PCDHA1: variants seen among roughly 807,000 people sequenced by gnomAD.
PCDHA1 encodes protocadherin alpha-1.
A neutral mutation model predicts 61.3 loss-of-function variants in PCDHA1; 42 were observed. The observed-to-expected ratio is 0.69, with a 90% CI of 0.54 to 0.89. The LOEUF (loss-of-function observed/expected upper bound fraction) is 0.89. Among genes scored for constraint, PCDHA1 ranks in the 40% least tolerant of loss-of-function variants. PCDHA1 has a pLI of 0.00. For synonymous variants in PCDHA1, 610 were observed against 553.8 expected, an observed-to-expected ratio of 1.10 and a Z score of -1.43; for missense variants, 1,256 against 1,235.3, an observed-to-expected ratio of 1.02 and a Z score of -0.25.
chr5:140,993,943 A>C (rs1055382423), intron 3 of PCDHA1, among the ~76,000 whole-genome samples: 1 of 152,220 alleles, frequency 6.6e-6, no homozygotes, highest in Admixed American at 6.5e-5. Flanking sequence ...CCCCATTGTT[A>C]AGTGATACAT....
intron 1 of PCDHA1, chr5:140,857,912 C>A: frequency 1.3e-6 from 2 of 1,597,766 alleles, no homozygotes; most frequent in African/African-American, 1.3e-5. Flanking sequence ...CATCCCGTTT[C>A]GCGTGGGGCT....
At chr5:140,823,929 C>A (rs2150130451) in intron 1 of PCDHA1, 1 of 1,613,958 alleles carries the variant, frequency 6.2e-7, no homozygotes, top group Non-Finnish European at 8.5e-7. Flanking sequence ...TGCTGTACAC[C>A]GCGCTGCGGT....
rs1554117938 is a variant in PCDHA1, at chr5:140,787,709, C to T, written c.1419C>T (p.His473=). Residue 473 remains histidine, a synonymous_variant, in exon 1 of 4, where the codon CAC becomes CAT. Coordinates refer to ENST00000504120, the MANE Select transcript of PCDHA1 (RefSeq NM_018900.4). ...FVKENNPPGC[H]IFTVSARDAD... Reference sequence around the variant, plus strand: ...AGGAGAACAACCCGCCGGGCTGCCACATCTTCACGGTGTCTGCGCGGGACG... The same window carrying T: ...AGGAGAACAACCCGCCGGGCTGCCATATCTTCACGGTGTCTGCGCGGGACG... 2 of 1,613,858 alleles carry T rather than the reference C, an allele frequency of 1.2e-6. No individual in the cohort carries two copies. The highest frequency in any genetic ancestry group is 2.2e-5 in the East Asian group (1 of 44,870).
chr5:141,009,649 C>G lies in PCDHA1; in HGVS notation c.2565C>G (p.Ser855=). The change falls in exon 4 of 4, where the codon TCC becomes TCG. Residue 855 remains serine, a synonymous_variant. Coordinates refer to ENST00000504120, the MANE Select transcript of PCDHA1 (RefSeq NM_018900.4). ...ATPEPEAGEV[S]PPVGAGVNSN... ...CAGAACCAGAGGCAGGAGAAGTGTC[C>G]CCTCCAGTCGGTGCGGGTGTCAACA... 1 of 1,613,646 alleles carries G rather than the reference C, an allele frequency of 6.2e-7. No homozygotes were observed. The highest frequency in any genetic ancestry group is 8.5e-7 in the Non-Finnish European group (1 of 1,179,816).
chr5:140,929,257 C>T, intron 1 of PCDHA1: 2 of 1,612,972 alleles, frequency 1.2e-6, no homozygotes, highest in Non-Finnish European at 1.7e-6. Context: ...TGGGGTAGGA[C>T]TGAATTTGCC....
intron 1 of PCDHA1, chr5:140,843,183 C>G (rs1778646285): frequency 1.9e-6 from 3 of 1,595,908 alleles, no homozygotes; most frequent in Non-Finnish European, 2.6e-6. Flanking sequence ...CCTCGCATCC[C>G]GTTCCGCGTG....
chr5:140,925,822 T>C (rs1554202964), intron 1 of PCDHA1, among the ~76,000 whole-genome samples: 1 of 152,156 alleles, frequency 6.6e-6, no homozygotes, highest in African/African-American at 2.4e-5. Flanking sequence ...ACGTCTTCTT[T>C]GGGGACGGGT....
chr5:140,922,605 A>G (rs1328283001), intron 1 of PCDHA1, among the ~76,000 whole-genome samples: 2 of 152,258 alleles, frequency 1.3e-5, no homozygotes, highest in African/African-American at 4.8e-5. Flanking sequence ...AGTTGAAGAT[A>G]TATTAAAACT....
chr5:140,903,180 T>C (rs149488870), intron 1 of PCDHA1, among the ~76,000 whole-genome samples: 1,613 of 152,324 alleles, frequency 0.011, 17 homozygotes, highest in African/African-American at 0.028. Context: ...TTCCCACCAA[T>C]AGTATAAAAG....
intron 1 of PCDHA1, chr5:140,966,931 C>T: frequency 6.2e-7 from 1 of 1,603,674 alleles, no homozygotes; most frequent in Non-Finnish European, 8.5e-7. Flanking sequence ...AGGCACCCGG[C>T]GCGCTCGTGG....
Position 140,787,230 on chromosome 5 carries a change from A to G in PCDHA1, c.940A>G (p.Lys314Glu). 1 of 1,614,170 alleles carries G rather than the reference A, an allele frequency of 6.2e-7. No homozygotes were observed. The highest frequency in any genetic ancestry group is 8.5e-7 in the Non-Finnish European group (1 of 1,180,008). ...LIDKLDYEET[K>E]SYEIQVKAVD... Reference sequence around the variant, plus strand: ...TGATAAACTGGATTATGAAGAAACAAAATCCTACGAAATTCAAGTAAAGGC... The same window carrying G: ...TGATAAACTGGATTATGAAGAAACAGAATCCTACGAAATTCAAGTAAAGGC... Residue 314 changes from lysine (K) to glutamate (E), a missense_variant, in exon 1 of 4, where the codon AAA becomes GAA. Coordinates refer to ENST00000504120, the MANE Select transcript of PCDHA1 (RefSeq NM_018900.4).
intron 1 of PCDHA1, among the ~76,000 whole-genome samples, chr5:140,793,465 A>T (rs1391257350): frequency 3.3e-5 from 5 of 152,198 alleles, no homozygotes; most frequent in African/African-American, 1.2e-4. Flanking sequence ...ACTGTACATG[A>T]GGGAAAAAAA....
chr5:140,903,275 T>G (rs1313552617), intron 1 of PCDHA1, among the ~76,000 whole-genome samples: 1 of 152,210 alleles, frequency 6.6e-6, no homozygotes, highest in East Asian at 1.9e-4. Context: ...TGAGGTAGTG[T>G]CTCATTGTGC....
chr5:140,843,159 C>T lies in PCDHA1; in HGVS notation c.2394+54475C>T. 5 of 1,596,084 alleles carry T rather than the reference C, an allele frequency of 3.1e-6. 1 individual carries two copies. The highest frequency in any genetic ancestry group is 4.3e-6 in the Non-Finnish European group (5 of 1,165,594). On this transcript the variant is annotated intron_variant, in intron 1 of 3. Coordinates refer to ENST00000504120, the MANE Select transcript of PCDHA1 (RefSeq NM_018900.4). ...GCGTGGCTTTCGTATGAGCTGCAGC[C>T]AGCTGCAAGCAGCCCTCGCATCCCG...
chr5:140,871,493 A>C lies in PCDHA1; in HGVS notation c.2394+82809A>C, dbSNP rs968230550. 1.9e-6 allele frequency: 3 copies of C among 1,588,916 alleles called. No individual in the cohort carries two copies. In the African/African-American group the frequency reaches 4.0e-5, roughly 21 times the overall value. On this transcript the variant is annotated intron_variant, in intron 1 of 3. Coordinates refer to ENST00000504120, the MANE Select transcript of PCDHA1 (RefSeq NM_018900.4). Reference sequence around the variant, plus strand: ...GAGCCAGGGTCAAATCACCCCGGACAGGTGAGTTTTCTACAGATTCCACCT... The same window carrying C: ...GAGCCAGGGTCAAATCACCCCGGACCGGTGAGTTTTCTACAGATTCCACCT...
At chr5:140,901,439 A>G (rs2068668793) in intron 1 of PCDHA1, among the ~76,000 whole-genome samples, 1 of 152,164 alleles carries the variant, frequency 6.6e-6, no homozygotes, top group South Asian at 2.1e-4. Flanking sequence ...ATGGATATCT[A>G]GTTTCCCAGC....
intron 1 of PCDHA1, chr5:140,927,497 T>A: frequency 6.2e-7 from 1 of 1,614,094 alleles, no homozygotes; most frequent in Non-Finnish European, 8.5e-7. Flanking sequence ...CACCTGCTGG[T>A]GCTTACAGCT....
At chr5:140,932,899 CAAT>C (rs1317207926) in intron 1 of PCDHA1, among the ~76,000 whole-genome samples, 2 of 151,832 alleles carry the variant, frequency 1.3e-5, no homozygotes, top group Non-Finnish European at 3.0e-5. Context: ...TAGAGGGAAA[CAAT>C]AATATTTCAA....
rs190126464 is a variant in PCDHA1 at position 140,851,666 on chromosome 5, T to C, written c.2394+62982T>C. On this transcript the variant is annotated intron_variant, in intron 1 of 3. Coordinates refer to ENST00000504120, the MANE Select transcript of PCDHA1 (RefSeq NM_018900.4). The stretch of plus-strand genomic sequence containing the variant: ...CTTCAAGAAGACATTCTCCTTTTAA[T>C]TGAAATTTTCTCCATTCAGTGATAA... 22 of 916,122 alleles carry C rather than the reference T, an allele frequency of 2.4e-5. 1 individual carries two copies. The East Asian group carries it at 1.7e-3, about 72-fold the overall frequency. 56.7% of individuals were successfully genotyped at this position (916,122 alleles called of 1,614,324 possible).
Sources: gnomAD v4.1 joint callset for allele counts (sites outside exome capture counted in the v4.1 genomes callset) on GRCh38, gnomAD v4.1.1 for gene constraint, MANE v1.5 for transcripts, NCBI Gene and HGNC (gene_info 2026-07-23, HGNC 2026-07-21) for gene names.